Variants in COL11A1 observed in about 807,000 individuals in gnomAD.
COL11A1 encodes the protein collagen alpha-1(XI) chain.
Under a neutral mutation model 265.2 loss-of-function variants are expected in COL11A1, and 74 were observed. The observed-to-expected ratio is 0.28, with a 90% CI of 0.23 to 0.34. COL11A1 has a LOEUF of 0.34. COL11A1 is among the 10% of genes least tolerant of loss of function. The pLI, the probability that COL11A1 is intolerant of heterozygous loss-of-function variation, is 1.00. For synonymous variants in COL11A1, 816 were observed against 727.6 expected, an observed-to-expected ratio of 1.12 and a Z score of -1.96; for missense variants, 2,165 against 2,263.6, an observed-to-expected ratio of 0.96 and a Z score of 0.88.
rs370729582 is a variant in COL11A1 at position 103,074,815 on chromosome 1, A to T, written c.489-35T>A. The T allele has an allele frequency of 3.1e-5, 50 of 1,610,350 alleles. No individual in the cohort carries two copies. In the African/African-American group the frequency reaches 6.4e-4, roughly 21 times the overall value. ...ACAAGTAATTCTTTTGTAAGCTTCA[A>T]AGAAACAGTGGTTGCCAAAGCAGTA... On this transcript the variant is annotated intron_variant, in intron 3 of 66. Coordinates refer to ENST00000370096, the MANE Select transcript of COL11A1 (RefSeq NM_001854.4).
chr1:102,910,963 G>T (rs904000171), intron 54 of COL11A1, among the ~76,000 whole-genome samples: 3 of 152,066 alleles, frequency 2.0e-5, no homozygotes, highest in East Asian at 3.9e-4. Context: ...CTTCCAAAAG[G>T]TCTGAAATAG....
Position 102,987,675 on chromosome 1 carries a change from G to A in COL11A1, c.2460C>T (p.Gly820=). 2 of 1,613,480 alleles carry A rather than the reference G, an allele frequency of 1.2e-6. No homozygotes were observed. The highest frequency in any genetic ancestry group is 1.7e-6 in the Non-Finnish European group (2 of 1,179,698). ...DGPEGPKGRA[G]PTGDPGPSGQ... is the part of the protein sequence containing the mutation. The stretch of plus-strand genomic sequence containing the variant: ...CTGAAGGACCTGGGTCTCCAGTTGG[G>A]CCTGCTCGACCTTTGGGTCCTTCAG... The change falls in exon 30 of 67, where the codon GGC becomes GGT. Residue 820 remains glycine (G), a synonymous_variant. Transcript: ENST00000370096.
intron 42 of COL11A1, among the ~76,000 whole-genome samples, chr1:102,945,878 G>A (rs954275247): frequency 1.3e-5 from 2 of 151,560 alleles, no homozygotes; most frequent in Admixed American, 6.6e-5. Context: ...ACATGCACAC[G>A]TATGTTTATT....
At chr1:102,996,141 T>C (rs1405605871) in intron 26 of COL11A1, 99 bp from the exon 27 acceptor site, 1 of 1,193,092 alleles carries the variant, frequency 8.4e-7, no homozygotes, top group Non-Finnish European at 1.2e-6. Flanking sequence ...GATATGGTTT[T>C]TTTCTACTGC....
At chr1:102,903,829 T>C (rs1653541742) in intron 54 of COL11A1, among the ~76,000 whole-genome samples, 1 of 152,190 alleles carries the variant, frequency 6.6e-6, no homozygotes, top group South Asian at 2.1e-4. Flanking sequence ...CTCACATATG[T>C]ACAGTGTATA....
intron 11 of COL11A1, among the ~76,000 whole-genome samples, 188 bp downstream of exon 11, chr1:103,017,632 C>A (rs1174661602): frequency 6.6e-6 from 1 of 152,090 alleles, no homozygotes; most frequent in Non-Finnish European, 1.5e-5. Flanking sequence ...TAGATAAATG[C>A]ACATTGTTTT....
At chr1:103,107,929 A>G in intron 1 of COL11A1, 144 bp downstream of exon 1, 1 of 697,862 alleles carries the variant, frequency 1.4e-6, no homozygotes, top group Non-Finnish European at 2.5e-6. Flanking sequence ...ACCTGGTAGC[A>G]GCTACAATCT....
At chr1:103,054,606 A>C (rs58882054) in intron 4 of COL11A1, among the ~76,000 whole-genome samples, 5,253 of 152,184 alleles carry the variant, frequency 0.035, 325 homozygotes, top group African/African-American at 0.12. Context: ...AAAAAAAGAA[A>C]AAAAAAGCCA....
In COL11A1 at chr1:102,915,071, A is replaced by T. The variant is rs144557712; in HGVS notation, c.3817-260T>A. Among the ~76,000 whole-genome samples, 737 of 152,142 alleles carry T rather than the reference A, an allele frequency of 4.8e-3. 37 individuals carry two copies. The East Asian group carries it at 0.11, about 23-fold the overall frequency. Reference sequence around the variant, plus strand: ...AGGCACGCGCCACCAGGCCCGGCTAATTTTTGTACTTTTTAGTAGAGACGG... The same window carrying T: ...AGGCACGCGCCACCAGGCCCGGCTATTTTTTGTACTTTTTAGTAGAGACGG... On this transcript the variant is annotated intron_variant, in intron 50 of 66. Transcript: ENST00000370096.
At chr1:102,888,537 G>A (rs373610359) in intron 62 of COL11A1, 40 bp downstream of exon 62, 2 of 1,577,962 alleles carry the variant, frequency 1.3e-6, no homozygotes, top group African/African-American at 1.3e-5. Context: ...GCTTCCAGAT[G>A]CAAACTGTCA....
intron 30 of COL11A1, among the ~76,000 whole-genome samples, chr1:102,986,063 T>C (rs569535798): frequency 1.2e-4 from 18 of 152,246 alleles, no homozygotes; most frequent in African/African-American, 4.1e-4. Context: ...CTATATCATA[T>C]ATTTTCTTTC....
At position 102,962,704 on chromosome 1, in the gene COL11A1, G is replaced by T. The variant is rs766508706; in HGVS notation, c.2973C>A (p.Gly991=). ...CAGGAAGACCTTGCTCACCAGGAGG[G>T]CCAGGAGGGCCAGGATGCCCACGTT... ...IGERGHPGPP[G]PPGEQGLPGA... The change falls in exon 39 of 67, where the codon GGC becomes GGA. Residue 991 remains glycine, a synonymous_variant. Transcript: ENST00000370096. The T allele has an allele frequency of 1.2e-6, 2 of 1,613,996 alleles. No individual in the cohort carries two copies. Among genetic ancestry groups the T allele is most frequent in the African/African-American group, 1.3e-5 (1 of 74,910 alleles).
At chr1:103,042,676 GA>G (rs1668906097) in intron 4 of COL11A1, among the ~76,000 whole-genome samples, 1 of 152,006 alleles carries the variant, frequency 6.6e-6, no homozygotes, top group Non-Finnish European at 1.5e-5. Flanking sequence ...GACACTGCTA[GA>G]AAGTACTTCT....
intron 4 of COL11A1, among the ~76,000 whole-genome samples, chr1:103,064,720 A>G (rs1421962377): frequency 6.6e-6 from 1 of 150,824 alleles, no homozygotes; most frequent in Non-Finnish European, 1.5e-5. Flanking sequence ...AAAAAAGAGA[A>G]TACATAGAAG....
In COL11A1 at chr1:102,978,730, G is replaced by GGGCCAGGAT; in HGVS notation, c.2731_2732insATCCTGGCC (p.Gly910_Pro911insHisProGly). ...TACTCTTTCACCTGGAGGGCCAGGA[G>GGGCCAGGAT]GGCCATCGCCACCTGAAGTGCCCTG... On this transcript the variant is annotated inframe_insertion, in exon 35 of 67. Transcript: ENST00000370096. 1 of 1,614,136 alleles carries GGGCCAGGAT rather than the reference G, an allele frequency of 6.2e-7. No individual in the cohort carries two copies. Among genetic ancestry groups the GGGCCAGGAT allele is most frequent in the Non-Finnish European group, 8.5e-7 (1 of 1,180,012 alleles).
At chr1:102,961,963 T>G in intron 40 of COL11A1, 44 bp from the exon 41 acceptor site, 1 of 1,545,540 alleles carries the variant, frequency 6.5e-7, no homozygotes. Flanking sequence ...CCATATGAAT[T>G]GAATACCAAT....
chr1:102,895,676 G>A (rs1412813246), intron 57 of COL11A1, among the ~76,000 whole-genome samples: 1 of 151,742 alleles, frequency 6.6e-6, no homozygotes, highest in Non-Finnish European at 1.5e-5. Context: ...TAATCTCACA[G>A]CCACTGTGTT....
chr1:102,934,655 T>C (rs1657957266), intron 45 of COL11A1, 99 bp from the exon 46 acceptor site: 1 of 920,308 alleles, frequency 1.1e-6, no homozygotes, highest in East Asian at 2.5e-5. Context: ...AAAGCAGATG[T>C]ATTTAAGAAT....
At chr1:103,053,857 A>G (rs773077192) in intron 4 of COL11A1, among the ~76,000 whole-genome samples, 1 of 152,258 alleles carries the variant, frequency 6.6e-6, no homozygotes, top group Non-Finnish European at 1.5e-5. Context: ...AAAAGATACT[A>G]TCATGTAAAT....
Sources: allele counts gnomAD v4.1 joint callset (sites outside exome capture counted in the v4.1 genomes callset), GRCh38; gene constraint gnomAD v4.1.1; transcripts MANE v1.5; gene names NCBI Gene and HGNC (gene_info 2026-07-23, HGNC 2026-07-21).